CASP4: variants seen among roughly 807,000 people sequenced by gnomAD.
CASP4 encodes caspase 4.
Under a neutral mutation model 41.3 loss-of-function variants are expected in CASP4, and 29 were observed. The ratio of observed to expected loss-of-function variants is 0.70; its 90% CI spans 0.52 to 0.96. The LOEUF is 0.96. Among genes scored for constraint, CASP4 ranks in the 40% least tolerant of loss-of-function variants. CASP4 has a pLI of 0.00. For synonymous variants in CASP4, 185 were observed against 158.4 expected, an observed-to-expected ratio of 1.17 and a Z score of -1.26; for missense variants, 447 against 460.6, an observed-to-expected ratio of 0.97 and a Z score of 0.27.
In CASP4 at chr11:104,954,884, T is replaced by G. The variant is rs746480853; in HGVS notation, c.125A>C (p.Lys42Thr). Residue 42 changes from lysine (K) to threonine (T), a missense_variant, in exon 2 of 9, where the codon AAA becomes ACA. Physicochemically the swap from Lys to Thr is moderately conservative, Grantham distance 78. Transcript: ENST00000444739. Reference sequence around the variant, plus strand: ...AGTTTTAGCATCGTAATATTTCTTTTTTTCCTCTTCCTTCCAGTTCAGTAC... The same window carrying G: ...AGTTTTAGCATCGTAATATTTCTTTGTTTCCTCTTCCTTCCAGTTCAGTAC... Reference protein sequence around the residue: ...QNVLNWKEEEKKKYYDAKTED... With the variant: ...QNVLNWKEEETKKYYDAKTED... 6.2e-7 allele frequency: 1 copy of G among 1,613,852 alleles called. No homozygotes were observed. Among genetic ancestry groups the G allele is most frequent in the Non-Finnish European group, 8.5e-7 (1 of 1,179,824 alleles).
At chr11:104,949,866 A>C in intron 4 of CASP4, 89 bp from the exon 5 acceptor site, 1 of 1,235,600 alleles carries the variant, frequency 8.1e-7, no homozygotes, top group Non-Finnish European at 1.2e-6. Context: ...CAAGAAACAT[A>C]TGTAACATCC....
chr11:104,951,063 G>A lies in CASP4; in HGVS notation c.408C>T (p.Arg136=), dbSNP rs866373198. ...YPIKERNNRT[R]LALIICNTEF... ...CTGTATTGCATATGATGAGAGCCAG[G>A]CGTGTGCGGTTGTTTCTCTCCTTTA... The change falls in exon 4 of 9, where the codon CGC becomes CGT. Residue 136 remains arginine, a synonymous_variant. Transcript: ENST00000444739. 19 of 1,613,282 alleles carry A rather than the reference G, an allele frequency of 1.2e-5. No individual in the cohort carries two copies. In the Middle Eastern group the frequency reaches 3.1e-3, roughly 267 times the overall value.
intron 1 of CASP4, among the ~76,000 whole-genome samples, chr11:104,961,841 G>A (rs1235505333): frequency 6.6e-6 from 1 of 152,102 alleles, no homozygotes; most frequent in African/African-American, 2.4e-5. Context: ...TTCTTATTTG[G>A]TTACATTCGA....
intron 1 of CASP4, among the ~76,000 whole-genome samples, chr11:104,957,577 T>C (rs1229149949): frequency 6.6e-6 from 1 of 151,974 alleles, no homozygotes; most frequent in African/African-American, 2.4e-5. Context: ...GTCTCAAAAA[T>C]AACAGCAATA....
At chr11:104,950,644 A>T (rs944411822) in intron 4 of CASP4, among the ~76,000 whole-genome samples, 1 of 152,016 alleles carries the variant, frequency 6.6e-6, no homozygotes, top group African/African-American at 2.4e-5. Flanking sequence ...TTTTCTGGGG[A>T]TTTTCGGGGC....
rs749334565 is a variant in CASP4 at position 104,947,086 on chromosome 11, C to A, written c.1032G>T (p.Arg344=). ...TAACTAGAAAAGAGACACTTACCTT[C>A]CGAAATACTTCCTCTAGGTGGCAGC... is the stretch of plus-strand genomic sequence containing the variant. ...SWCCHLEEVF[R]KVQQSFETPR... Residue 344 remains arginine (R), a synonymous_variant, in exon 7 of 9, where the codon CGG becomes CGT. Coordinates refer to ENST00000444739, the MANE Select transcript of CASP4 (RefSeq NM_001225.4). The A allele has an allele frequency of 8.2e-6, 13 of 1,590,610 alleles. No individual in the cohort carries two copies. The Admixed American group carries it at 1.5e-4, about 18-fold the overall frequency.
chr11:104,951,238 C>A, intron 3 of CASP4, 140 bp from the exon 4 acceptor site: 1 of 641,216 alleles, frequency 1.6e-6, no homozygotes, highest in Admixed American at 3.0e-5. Flanking sequence ...GACTTTCTCT[C>A]TCTCAAGAAC....
At chr11:104,946,162 T>C (rs1279847281) in intron 7 of CASP4, among the ~76,000 whole-genome samples, 2 of 152,166 alleles carry the variant, frequency 1.3e-5, no homozygotes, top group Admixed American at 6.6e-5. Flanking sequence ...GGCTTTCTTC[T>C]ATAAACGCCA....
intron 6 of CASP4, 108 bp from the exon 7 acceptor site, chr11:104,947,300 A>G: frequency 4.9e-6 from 3 of 606,966 alleles, no homozygotes; most frequent in Non-Finnish European, 8.4e-6. Flanking sequence ...CTTGGGAATT[A>G]TCTTTACAGA....
At chr11:104,945,898 G>C (rs1161639685) in intron 7 of CASP4, among the ~76,000 whole-genome samples, 2 of 151,738 alleles carry the variant, frequency 1.3e-5, no homozygotes, top group Admixed American at 1.3e-4. Context: ...CCAGGCTAGA[G>C]GGTAGTGGTG....
chr11:104,949,835 C>T, intron 4 of CASP4, 58 bp from the exon 5 acceptor site: 1 of 1,513,086 alleles, frequency 6.6e-7, no homozygotes, highest in Non-Finnish European at 9.2e-7. Flanking sequence ...AAGGGGACTC[C>T]TAGATTTACC....
In CASP4 at chr11:104,951,917, T is replaced by C. The variant is rs778788251; in HGVS notation, c.351A>G (p.Leu117=). 6.2e-7 allele frequency: 1 copy of C among 1,610,914 alleles called. No individual in the cohort carries two copies. Among genetic ancestry groups the C allele is most frequent in the Admixed American group, 1.7e-5 (1 of 59,900 alleles). ...GCACCTCTTCAGCTCTTTCTTTACA[T>C]AGTCTCAGGAATTCTTCATGAGGAC... ...KLCPHEEFLR[L]CKERAEEIYP... is the part of the protein sequence containing the mutation. Residue 117 remains leucine (L), a synonymous_variant, in exon 3 of 9, where the codon CTA becomes CTG. Transcript: ENST00000444739.
chr11:104,948,647 A>G lies in CASP4; in HGVS notation c.811T>C (p.Ser271Pro). The change falls in exon 6 of 9, where the codon TCT becomes CCT. Residue 271 changes from serine to proline, a missense_variant. Coordinates refer to ENST00000444739, the MANE Select transcript of CASP4 (RefSeq NM_001225.4). ...GAGGCCACTTCCAAGGATGCTGGAG[A>G]GTCTCTGACCCACAGTTCCCCACGG... Reference protein sequence around the residue: ...ANRGELWVRDSPASLEVASSQ... With the variant: ...ANRGELWVRDPPASLEVASSQ... 2 of 1,609,166 alleles carry G rather than the reference A, an allele frequency of 1.2e-6. No individual in the cohort carries two copies. Among genetic ancestry groups the G allele is most frequent in the South Asian group, 1.1e-5 (1 of 90,182 alleles).
chr11:104,963,504 G>T (rs574745512), intron 1 of CASP4, among the ~76,000 whole-genome samples: 26 of 152,298 alleles, frequency 1.7e-4, no homozygotes, highest in African/African-American at 6.3e-4. Flanking sequence ...TTGAATTTTG[G>T]GGATATCAGA....
chr11:104,960,582 G>A (rs1860836581), intron 1 of CASP4, among the ~76,000 whole-genome samples: 2 of 152,112 alleles, frequency 1.3e-5, no homozygotes, highest in Admixed American at 1.3e-4. Flanking sequence ...CGATTCTCCT[G>A]CCTCAGCCTT....
At chr11:104,965,191 ACTC>A in intron 1 of CASP4, among the ~76,000 whole-genome samples, 1 of 152,254 alleles carries the variant, frequency 6.6e-6, no homozygotes, top group South Asian at 2.1e-4. Flanking sequence ...TGAGAATTGT[ACTC>A]CTCATCCTAG....
intron 1 of CASP4, among the ~76,000 whole-genome samples, chr11:104,962,802 T>A (rs1860889854): frequency 6.6e-6 from 1 of 152,202 alleles, no homozygotes; most frequent in Non-Finnish European, 1.5e-5. Flanking sequence ...AGCTAAGACT[T>A]TGCCTTTTGA....
intron 1 of CASP4, among the ~76,000 whole-genome samples, chr11:104,955,438 C>T (rs1400615781): frequency 6.6e-6 from 1 of 151,944 alleles, no homozygotes; most frequent in African/African-American, 2.4e-5. Flanking sequence ...GATTTTTACT[C>T]TTTTCTGTAT....
intron 7 of CASP4, among the ~76,000 whole-genome samples, chr11:104,946,373 A>C (rs1433631238): frequency 2.6e-5 from 4 of 152,172 alleles, no homozygotes; most frequent in Non-Finnish European, 5.9e-5. Flanking sequence ...TGAATTGCTG[A>C]GCAAATCCCT....
Sources: gnomAD v4.1 joint callset for allele counts (sites outside exome capture counted in the v4.1 genomes callset) on GRCh38, gnomAD v4.1.1 for gene constraint, MANE v1.5 for transcripts, NCBI Gene and HGNC (gene_info 2026-07-23, HGNC 2026-07-21) for gene names.